The following DOCK10 variants were observed in gnomAD, a reference collection of about 807,000 sequenced individuals.
DOCK10 encodes the protein dedicator of cytokinesis 10.
DOCK10 carries 145 observed loss-of-function variants against 280.1 expected under a neutral mutation model. That is an observed-to-expected ratio of 0.52 (90% CI 0.45 to 0.59). DOCK10 has a LOEUF of 0.59. Among genes scored for constraint, DOCK10 ranks in the 20% least tolerant of loss-of-function variants. The pLI is 0.00. For synonymous variants in DOCK10, 915 were observed against 942.2 expected (o/e 0.97, Z 0.53); for missense variants, 2,368 against 2,651.7 (o/e 0.89, Z 2.35).
At chr2:224,867,725 G>C (rs879463709) in intron 11 of DOCK10, among the ~76,000 whole-genome samples, 24 of 152,286 alleles carry the variant, frequency 1.6e-4, no homozygotes, top group Non-Finnish European at 3.1e-4. Flanking sequence ...ATGAAAAATT[G>C]GTAGGAAGCG....
intron 14 of DOCK10, among the ~76,000 whole-genome samples, chr2:224,858,172 A>G (rs1412024322): frequency 2.0e-5 from 3 of 152,232 alleles, no homozygotes; most frequent in African/African-American, 7.2e-5. Context: ...CTGAGCTTGA[A>G]CAATAGCTTT....
intron 7 of DOCK10, among the ~76,000 whole-genome samples, chr2:224,879,603 C>G (rs1320900236): frequency 2.0e-5 from 3 of 151,878 alleles, no homozygotes; most frequent in African/African-American, 7.3e-5. Flanking sequence ...ACTAAAAATA[C>G]AAAAATTAGC....
At chr2:225,041,800 T>C (rs1575182127) in intron 1 of DOCK10, among the ~76,000 whole-genome samples, 1 of 152,176 alleles carries the variant, frequency 6.6e-6, no homozygotes, top group East Asian at 1.9e-4. Flanking sequence ...TGCATCCCTC[T>C]CTCTCAGCGC....
chr2:225,042,029 C>T lies in DOCK10; in HGVS notation c.123+223G>A, dbSNP rs1690444417. ...CTACCCACGCAGCTGCTCCTCTGAG[C>T]GTCCCGCGTGCACAAACGCGCCCCC... On this transcript the variant is annotated intron_variant, in intron 1 of 55. Transcript: ENST00000258390. The surrounding 1 kb of genome is among the most constrained non-coding windows in gnomAD (Gnocchi z 5.1). Among the ~76,000 whole-genome samples the T allele has an allele frequency of 6.6e-6, 1 of 152,240 alleles. No homozygotes were observed. The highest frequency in any genetic ancestry group is 2.4e-5 in the African/African-American group (1 of 41,476).
intron 1 of DOCK10, among the ~76,000 whole-genome samples, chr2:224,948,646 T>C (rs1012922001): frequency 4.6e-5 from 7 of 152,180 alleles, no homozygotes; most frequent in South Asian, 2.1e-4. Context: ...TTATAATCCT[T>C]TTTAGATCAT....
chr2:224,862,615 G>A (rs747777350), intron 14 of DOCK10, 49 bp downstream of exon 14: 3 of 1,478,962 alleles, frequency 2.0e-6, no homozygotes, highest in Non-Finnish European at 2.8e-6. Flanking sequence ...AGCTTCCAAT[G>A]CCACCATTAA....
chr2:224,992,961 C>T (rs1375622), intron 1 of DOCK10, among the ~76,000 whole-genome samples: 8,197 of 152,250 alleles, frequency 0.054, 337 homozygotes, highest in African/African-American at 0.11. Context: ...GGATATACCA[C>T]ATTCCCCTAT....
chr2:224,961,295 A>G (rs1038142712), intron 1 of DOCK10, among the ~76,000 whole-genome samples: 2 of 152,188 alleles, frequency 1.3e-5, no homozygotes, highest in Non-Finnish European at 2.9e-5. Context: ...TGACCTTCTC[A>G]CTGCAGAATT....
At chr2:224,934,114 C>T (rs188626602) in intron 1 of DOCK10, among the ~76,000 whole-genome samples, 2 of 152,136 alleles carry the variant, frequency 1.3e-5, no homozygotes, top group African/African-American at 4.8e-5. Flanking sequence ...TCGCCGTGAT[C>T]GTATAGTGGT....
At chr2:224,861,337 T>C (rs1476957480) in intron 14 of DOCK10, 3 of 152,210 alleles carry the variant, frequency 2.0e-5, no homozygotes, top group African/African-American at 7.2e-5. Context: ...TCAGCTTCAA[T>C]TTATAGCTGG....
intron 1 of DOCK10, among the ~76,000 whole-genome samples, chr2:224,952,804 G>T (rs1361220702): frequency 6.6e-6 from 1 of 151,938 alleles, no homozygotes; most frequent in African/African-American, 2.4e-5. Flanking sequence ...GTTTTAGCCG[G>T]GATGGTCTCG....
At chr2:225,038,153 T>G (rs1196192681) in intron 1 of DOCK10, among the ~76,000 whole-genome samples, 1 of 152,202 alleles carries the variant, frequency 6.6e-6, no homozygotes, top group Non-Finnish European at 1.5e-5. Context: ...AACCAGGCCC[T>G]TATATTGCAT....
chr2:224,934,556 C>T (rs1045729388), intron 1 of DOCK10, among the ~76,000 whole-genome samples: 1 of 152,216 alleles, frequency 6.6e-6, no homozygotes, highest in Non-Finnish European at 1.5e-5. Context: ...GGCGAGAATC[C>T]GGACTACATA....
chr2:224,981,470 T>C (rs1336937350), intron 1 of DOCK10, among the ~76,000 whole-genome samples: 5 of 152,166 alleles, frequency 3.3e-5, no homozygotes, highest in Admixed American at 2.6e-4. Context: ...TTTTGGAAAC[T>C]TTACCATACC....
In DOCK10 at chr2:225,018,877, A is replaced by G. The variant is rs559428600; in HGVS notation, c.123+23375T>C. 4.0e-3 allele frequency among the ~76,000 whole-genome samples: 585 copies of G among 147,492 alleles called. 6 individuals are homozygous for G. Among genetic ancestry groups the G allele is most frequent in the African/African-American group, 0.014 (566 of 40,046 alleles). On this transcript the variant is annotated intron_variant, in intron 1 of 55. Coordinates refer to ENST00000258390, the MANE Select transcript of DOCK10 (RefSeq NM_014689.3). The stretch of plus-strand genomic sequence containing the variant: ...TATATATGTGTATATACATATGTAT[A>G]TCATTATATATGTGTATATACATAT...
At chr2:224,817,235 T>C (rs138637081) in intron 29 of DOCK10, among the ~76,000 whole-genome samples, 11 of 152,284 alleles carry the variant, frequency 7.2e-5, no homozygotes, top group African/African-American at 2.4e-4. Context: ...CCCTTGCAAA[T>C]AGGTCTGTCT....
chr2:224,893,643 T>C (rs943873201), intron 4 of DOCK10: 9 of 459,056 alleles, frequency 2.0e-5, no homozygotes, highest in South Asian at 1.3e-4. Flanking sequence ...TATCTTCCTA[T>C]GGACCCTCGC....
chr2:225,040,934 GCA>G (rs1436123132), intron 1 of DOCK10, among the ~76,000 whole-genome samples: 2 of 152,128 alleles, frequency 1.3e-5, no homozygotes, highest in African/African-American at 4.8e-5. Context: ...GCTGTCCCTG[GCA>G]CAGAGTGAGC....
At chr2:225,020,927 T>C (rs931400753) in intron 1 of DOCK10, among the ~76,000 whole-genome samples, 1 of 152,238 alleles carries the variant, frequency 6.6e-6, no homozygotes, top group South Asian at 2.1e-4. Context: ...TTTATATACA[T>C]TGGTTTTGAG....
Sources: allele counts gnomAD v4.1 joint callset (sites outside exome capture counted in the v4.1 genomes callset), GRCh38; gene constraint gnomAD v4.1.1; non-coding constraint Gnocchi (gnomAD v3.1); transcripts MANE v1.5; gene names NCBI Gene and HGNC (gene_info 2026-07-23, HGNC 2026-07-21).